Variants in MCAM observed in about 807,000 individuals in gnomAD.
The protein encoded by MCAM is melanoma cell adhesion molecule.
MCAM carries 55 observed loss-of-function variants against 79.1 expected under a neutral mutation model. The ratio of observed to expected loss-of-function variants is 0.70; its 90% CI spans 0.56 to 0.87. The LOEUF is 0.87. Among genes scored for constraint, MCAM ranks in the 40% least tolerant of loss-of-function variants. The pLI, the probability that MCAM is intolerant of heterozygous loss-of-function variation, is 0.00. For synonymous variants in MCAM, 330 were observed against 339.8 expected (o/e 0.97, Z 0.32); for missense variants, 745 against 839.8 (o/e 0.89, Z 1.40).
At position 119,309,273 on chromosome 11, in the gene MCAM, G is replaced by A. The variant is rs572061318; in HGVS notation, c.*613C>T. On this transcript the variant is annotated 3_prime_UTR_variant, in exon 16 of 16. Transcript: ENST00000264036. ...GGCGTGAGCCACCACACCTGGCCCC[G>A]GCACGTATCTTTTAAGGAATGACAC... is the stretch of plus-strand genomic sequence containing the variant. 8.6e-4 allele frequency: 131 copies of A among 153,096 alleles called. No individual in the cohort carries two copies. The highest frequency in any genetic ancestry group is 2.7e-3 in the African/African-American group (111 of 41,552). 9.5% of individuals were successfully genotyped at this position (153,096 alleles called of 1,614,324 possible).
rs147649089 is a variant in MCAM, at chr11:119,311,232, C to A, written c.1550-47G>T. ...GTTAGGAGAAGCGCAAGTTACTGCC[C>A]GTGCCTGGGCCTGCCCCTGCCATCC... On this transcript the variant is annotated intron_variant, in intron 12 of 15. Coordinates refer to ENST00000264036, the MANE Select transcript of MCAM (RefSeq NM_006500.3). This position sits in a 1 kb window ranked among gnomAD's most constrained non-coding sequence, Gnocchi z 4.4. 2.6e-4 allele frequency: 417 copies of A among 1,612,870 alleles called. No individual in the cohort carries two copies. Among genetic ancestry groups the A allele is most frequent in the Non-Finnish European group, 1.8e-4 (217 of 1,178,976 alleles).
chr11:119,310,868 C>A lies in MCAM; in HGVS notation c.1681G>T (p.Val561Phe), dbSNP rs1451592996. The A allele has an allele frequency of 4.3e-6, 7 of 1,614,204 alleles. No individual in the cohort carries two copies. The highest frequency in any genetic ancestry group is 5.9e-6 in the Non-Finnish European group (7 of 1,180,038). Reference protein sequence around the residue: ...KLPEPESRGVVIVAVIVCILV... With the variant: ...KLPEPESRGVFIVAVIVCILV... Reference sequence around the variant, plus strand: ...ATGCACACAATCACAGCCACGATGACCACGCCCCGGCTCTCCGGCTCCGGC... The same window carrying A: ...ATGCACACAATCACAGCCACGATGAACACGCCCCGGCTCTCCGGCTCCGGC... The change falls in exon 14 of 16, where the codon GTC becomes TTC. Residue 561 changes from valine (V) to phenylalanine (F), a missense_variant. Coordinates refer to ENST00000264036, the MANE Select transcript of MCAM (RefSeq NM_006500.3).
chr11:119,312,303 TATC>T lies in MCAM; in HGVS notation c.984_986del (p.Met328del). ...GTTCCTGTGGTTCACTCAGCAGCGATATCATGGTGTCCAAGTCCAGGCCCTGAC... is the reference window on the plus strand; with the variant it reads ...GTTCCTGTGGTTCACTCAGCAGCGATATGGTGTCCAAGTCCAGGCCCTGAC... On this transcript the variant is annotated inframe_deletion, in exon 8 of 16. Coordinates refer to ENST00000264036, the MANE Select transcript of MCAM (RefSeq NM_006500.3). This position sits in a 1 kb window ranked among gnomAD's most constrained non-coding sequence, Gnocchi z 4.9. The T allele has an allele frequency of 6.2e-7, 1 of 1,614,070 alleles. No homozygotes were observed. Among genetic ancestry groups the T allele is most frequent in the Non-Finnish European group, 8.5e-7 (1 of 1,179,996 alleles).
chr11:119,310,454 CG>C lies in MCAM; in HGVS notation c.1805del (p.Pro602ArgfsTer8). 1 of 1,609,952 alleles carries C rather than the reference CG, an allele frequency of 6.2e-7. No individual in the cohort carries two copies. The highest frequency in any genetic ancestry group is 1.1e-5 in the South Asian group (1 of 90,984). ...RSGKQEITLPPSRKSELVVEV... is the reference protein window; with the variant it reads ...RSGKQEITLPXSRKSELVVEV... ...CAACTACAAGTTCGCTCTTACGAGA[CG>C]GGGGTAGCGTGCTGGGAGGAGGGAG... On this transcript the variant is annotated frameshift_variant, in exon 15 of 16. Coordinates refer to ENST00000264036, the MANE Select transcript of MCAM (RefSeq NM_006500.3). LOFTEE classifies it high-confidence loss of function.
Position 119,312,159 on chromosome 11 carries a change from C to T in MCAM, c.1036G>A (p.Val346Ile), listed in dbSNP as rs373305901. 2.5e-5 allele frequency: 41 copies of T among 1,612,452 alleles called. No homozygotes were observed. Among genetic ancestry groups the T allele is most frequent in the East Asian group, 1.6e-4 (7 of 44,870 alleles). Residue 346 changes from valine to isoleucine, a missense_variant, in exon 9 of 16, where the codon GTC becomes ATC. Transcript: ENST00000264036. The surrounding 1 kb of genome is among the most constrained non-coding windows in gnomAD (Gnocchi z 4.9). ...QELLVNYVSD[V>I]RVSPAAPERQ... ...TCAGGGGCTGCGGGACTCACTCGGA[C>T]GTCAGACACATCTGGGGGTACAGCA... is the stretch of plus-strand genomic sequence containing the variant.
Position 119,311,306 on chromosome 11 carries a change from T to C in MCAM, c.1523A>G (p.Asn508Ser), listed in dbSNP as rs1342921051. The change falls in exon 12 of 16, where the codon AAC (asparagine) becomes AGC (serine). Residue 508 changes from asparagine (N) to serine (S), a missense_variant. Physicochemically the swap from Asn to Ser is conservative, Grantham distance 46 (BLOSUM62 1). Transcript: ENST00000264036. This position sits in a 1 kb window ranked among gnomAD's most constrained non-coding sequence, Gnocchi z 4.4. ...ECTASNDLGK[N>S]TSILFLELVN... ...CAGCTCCAGGAAGAGGATGCTGGTG[T>C]TTTTGCCCAGGTCGTTGGAGGCCGT... 2 of 1,614,110 alleles carry C rather than the reference T, an allele frequency of 1.2e-6. No homozygotes were observed. Among genetic ancestry groups the C allele is most frequent in the Admixed American group, 1.7e-5 (1 of 60,028 alleles).
In MCAM at chr11:119,316,781, C is replaced by T; in HGVS notation, c.67+254G>A. The T allele has an allele frequency of 4.0e-6, 2 of 499,928 alleles. No homozygotes were observed. The highest frequency in any genetic ancestry group is 2.3e-5 in the South Asian group (1 of 43,518). 31.0% of individuals were successfully genotyped at this position (499,928 alleles called of 1,614,324 possible). ...AGCACCCCGAAAGGCTGAGCTCCAC[C>T]CCTTCTCGTTCCCAGAAGCAGCCTC... On this transcript the variant is annotated intron_variant, in intron 1 of 15. Coordinates refer to ENST00000264036, the MANE Select transcript of MCAM (RefSeq NM_006500.3). The surrounding 1 kb of genome is among the most constrained non-coding windows in gnomAD (Gnocchi z 4.8).
At position 119,314,941 on chromosome 11, in the gene MCAM, C is replaced by G. The variant is rs1950289559; in HGVS notation, c.292G>C (p.Gly98Arg). 1 of 1,612,968 alleles carries G rather than the reference C, an allele frequency of 6.2e-7. No individual in the cohort carries two copies. Among genetic ancestry groups the G allele is most frequent in the Non-Finnish European group, 8.5e-7 (1 of 1,180,016 alleles). Residue 98 changes from glycine (G) to arginine (R), a missense_variant, in exon 3 of 16, where the codon GGG becomes CGG. Physicochemically the swap from Gly to Arg is moderately radical, Grantham distance 125. Coordinates refer to ENST00000264036, the MANE Select transcript of MCAM (RefSeq NM_006500.3). ...ACTTGAGTCAGGGCCAGAGTAGCCC[C>G]TCTGTCCTGGAGGCTGAGCCGCTGC... Reference protein sequence around the residue: ...YEQRLSLQDRGATLALTQVTP... With the variant: ...YEQRLSLQDRRATLALTQVTP...
rs1591278348 is a variant in MCAM at position 119,308,733 on chromosome 11, T to C, written c.*1153A>G. On this transcript the variant is annotated 3_prime_UTR_variant, in exon 16 of 16. Transcript: ENST00000264036. ...TCCATCCCTAAGTACCATTCTCTCATTTGGGCCCTTCTAGGGTTGGGGCCC... is the reference window on the plus strand; with the variant it reads ...TCCATCCCTAAGTACCATTCTCTCACTTGGGCCCTTCTAGGGTTGGGGCCC... 6.6e-6 allele frequency: 1 copy of C among 152,070 alleles called. No homozygotes were observed. The highest frequency in any genetic ancestry group is 1.5e-5 in the Non-Finnish European group (1 of 68,010). 9.4% of individuals were successfully genotyped at this position (152,070 alleles called of 1,614,324 possible).
In MCAM at chr11:119,314,736, C is replaced by T. The variant is rs912037835; in HGVS notation, c.414G>A (p.Glu138=). 2.5e-6 allele frequency: 4 copies of T among 1,613,752 alleles called. No homozygotes were observed. In the Admixed American group the frequency reaches 6.7e-5, roughly 27 times the overall value. Residue 138 remains glutamate, a synonymous_variant, in exon 4 of 16, where the codon GAG becomes GAA. Coordinates refer to ENST00000264036, the MANE Select transcript of MCAM (RefSeq NM_006500.3). ...IQLRVYKAPE[E]PNIQVNPLGI... ...CCAGGGGGTTGACCTGGATGTTTGG[C>T]TCCTCCGGAGCTTCTACAAGAAAAT... is the stretch of plus-strand genomic sequence containing the variant.
chr11:119,311,415 C>T lies in MCAM; in HGVS notation c.1414G>A (p.Glu472Lys), dbSNP rs776813926. The change falls in exon 12 of 16, where the codon GAA (glutamate) becomes AAA (lysine). Residue 472 changes from glutamate (E) to lysine (K), a missense_variant. Transcript: ENST00000264036. The surrounding 1 kb of genome is among the most constrained non-coding windows in gnomAD (Gnocchi z 4.4). ...ACTCGCTGTGGATCTTGGTCTTGTTCACTTGCCTGCGAGGAAAGGAAGGAG... is the reference window on the plus strand; with the variant it reads ...ACTCGCTGTGGATCTTGGTCTTGTTTACTTGCCTGCGAGGAAAGGAAGGAG... ...ISWNVNGTAS[E>K]QDQDPQRVLS... is the part of the protein sequence containing the mutation. 74 of 1,613,988 alleles carry T rather than the reference C, an allele frequency of 4.6e-5. No homozygotes were observed. Among genetic ancestry groups the T allele is most frequent in the Non-Finnish European group, 5.9e-5 (70 of 1,179,996 alleles).
rs558459635 is a variant in MCAM, at chr11:119,316,882, C to T, written c.67+153G>A. On this transcript the variant is annotated intron_variant, in intron 1 of 15. Coordinates refer to ENST00000264036, the MANE Select transcript of MCAM (RefSeq NM_006500.3). The surrounding 1 kb of genome is among the most constrained non-coding windows in gnomAD (Gnocchi z 4.8). ...AAACTGGCTGCAAAGAAGAGTTGCTCGCGCGCAAGGCGCCCGGGGATCGGG... is the reference window on the plus strand; with the variant it reads ...AAACTGGCTGCAAAGAAGAGTTGCTTGCGCGCAAGGCGCCCGGGGATCGGG... The T allele has an allele frequency of 8.6e-3, 5,230 of 604,800 alleles. 47 individuals carry two copies. The highest frequency in any genetic ancestry group is 0.01 in the Non-Finnish European group (3,783 of 363,462). 37.5% of individuals were successfully genotyped at this position (604,800 alleles called of 1,614,324 possible).
In MCAM at chr11:119,316,930, TC is replaced by T; in HGVS notation, c.67+104del. The T allele has an allele frequency of 1.0e-6, 1 of 989,424 alleles. No homozygotes were observed. The highest frequency in any genetic ancestry group is 1.4e-6 in the Non-Finnish European group (1 of 693,394). The allele number at this position is 989,424 out of a possible 1,614,324, so 61.3% of individuals were successfully genotyped here. A position where few individuals can be genotyped will look rare whatever the true frequency, so the allele number is the denominator to read the frequency against. On this transcript the variant is annotated intron_variant, in intron 1 of 15. Transcript: ENST00000264036. This position sits in a 1 kb window ranked among gnomAD's most constrained non-coding sequence, Gnocchi z 4.8. ...GGGGACCCAGGGAGGAGGCTCGTCC[TC>T]CCAGACGCAACGCCCCGACCCCGCC...
chr11:119,315,693 T>C lies in MCAM; in HGVS notation c.68-430A>G, dbSNP rs6589734. ...GCCAGGGGAAGACACCACTGCTCTA[T>C]CCTCTGCCCTCCAAAATCCCTGCCC... is the stretch of plus-strand genomic sequence containing the variant. On this transcript the variant is annotated intron_variant, in intron 1 of 15. Transcript: ENST00000264036. This position sits in a 1 kb window ranked among gnomAD's most constrained non-coding sequence, Gnocchi z 4.4. 188,874 of 206,632 alleles carry C rather than the reference T, an allele frequency of 0.91. 86,635 individuals are homozygous for C. The highest frequency in any genetic ancestry group is 0.95 in the African/African-American group (42,371 of 44,390). 12.8% of individuals were successfully genotyped at this position (206,632 alleles called of 1,614,324 possible).
chr11:119,314,914 T>A lies in MCAM; in HGVS notation c.319A>T (p.Thr107Ser), dbSNP rs200915659. The A allele has an allele frequency of 6.2e-6, 10 of 1,612,722 alleles. No homozygotes were observed. The African/African-American group carries it at 1.2e-4, about 19-fold the overall frequency. The part of the protein sequence containing the change: ...RGATLALTQV[T>S]PQDERIFLCQ... ...AAGAAGATGCGCTCGTCTTGGGGGG[T>A]GACTTGAGTCAGGGCCAGAGTAGCC... Residue 107 changes from threonine (T) to serine (S), a missense_variant, in exon 3 of 16, where the codon ACC becomes TCC. Coordinates refer to ENST00000264036, the MANE Select transcript of MCAM (RefSeq NM_006500.3).
chr11:119,312,748 A>G lies in MCAM; in HGVS notation c.739+22T>C. 1 of 1,613,360 alleles carries G rather than the reference A, an allele frequency of 6.2e-7. No individual in the cohort carries two copies. The highest frequency in any genetic ancestry group is 8.5e-7 in the Non-Finnish European group (1 of 1,179,480). ...TCCAGCAGCCCCAGCCCCAGTAAGC[A>G]GAGAGTCAGGTTAGTACTCACAGAA... On this transcript the variant is annotated intron_variant, in intron 6 of 15. Transcript: ENST00000264036. The surrounding 1 kb of genome is among the most constrained non-coding windows in gnomAD (Gnocchi z 4.9).
Position 119,309,789 on chromosome 11 carries a change from G to A in MCAM, c.*97C>T. 7.9e-7 allele frequency: 1 copy of A among 1,266,840 alleles called. No individual in the cohort carries two copies. The highest frequency in any genetic ancestry group is 1.5e-5 in the African/African-American group (1 of 67,518). 78.5% of individuals were successfully genotyped at this position (1,266,840 alleles called of 1,614,324 possible). A position where few individuals can be genotyped will look rare whatever the true frequency, so the allele number is the denominator to read the frequency against. On this transcript the variant is annotated 3_prime_UTR_variant, in exon 16 of 16. Coordinates refer to ENST00000264036, the MANE Select transcript of MCAM (RefSeq NM_006500.3). ...GGTGTGCAGGCGAGGGGAGCAGGAG[G>A]CTTCTCTCTAGTCCCTTTGGAGGCT... is the stretch of plus-strand genomic sequence containing the variant.
chr11:119,311,306 T>A lies in MCAM; in HGVS notation c.1523A>T (p.Asn508Ile). 1 of 1,614,110 alleles carries A rather than the reference T, an allele frequency of 6.2e-7. No individual in the cohort carries two copies. The highest frequency in any genetic ancestry group is 8.5e-7 in the Non-Finnish European group (1 of 1,179,984). The change falls in exon 12 of 16, where the codon AAC becomes ATC. Residue 508 changes from asparagine to isoleucine, a missense_variant. By Grantham distance (149) the Asn-to-Ile change is moderately radical (BLOSUM62 -3). Coordinates refer to ENST00000264036, the MANE Select transcript of MCAM (RefSeq NM_006500.3). The surrounding 1 kb of genome is among the most constrained non-coding windows in gnomAD (Gnocchi z 4.4). ...ECTASNDLGKNTSILFLELVN... is the reference protein window; with the variant it reads ...ECTASNDLGKITSILFLELVN... ...CAGCTCCAGGAAGAGGATGCTGGTG[T>A]TTTTGCCCAGGTCGTTGGAGGCCGT...
In MCAM at chr11:119,309,460, C is replaced by T. The variant is rs1055590054; in HGVS notation, c.*426G>A. ...TTCAACATGAGCAGGCGCCTGGCTCCGGTGTGTCCTCACTTCAGTGGTGCA... is the reference window on the plus strand; with the variant it reads ...TTCAACATGAGCAGGCGCCTGGCTCTGGTGTGTCCTCACTTCAGTGGTGCA... On this transcript the variant is annotated 3_prime_UTR_variant, in exon 16 of 16. Coordinates refer to ENST00000264036, the MANE Select transcript of MCAM (RefSeq NM_006500.3). 3 of 204,428 alleles carry T rather than the reference C, an allele frequency of 1.5e-5. No individual in the cohort carries two copies. Among genetic ancestry groups the T allele is most frequent in the Admixed American group, 5.3e-5 (1 of 19,046 alleles). The allele number at this position is 204,428 out of a possible 1,614,324, so 12.7% of individuals were successfully genotyped here.
Sources: gnomAD v4.1 joint callset for allele counts on GRCh38, gnomAD v4.1.1 for gene constraint, Gnocchi (gnomAD v3.1) non-coding constraint, MANE v1.5 for transcripts, NCBI Gene and HGNC (gene_info 2026-07-23, HGNC 2026-07-21) for gene names.